Variants in SHOC1 observed in about 807,000 individuals in gnomAD.
SHOC1 encodes protein shortage in chiasmata 1 ortholog.
In SHOC1, 136 loss-of-function variants were observed where a neutral mutation model predicts 179.2. That is an observed-to-expected ratio of 0.76 (90% CI 0.66 to 0.87). The LOEUF is 0.87. SHOC1 is among the 40% of genes least tolerant of loss of function. SHOC1 has a pLI of 0.00. For synonymous variants in SHOC1, 489 were observed against 586.6 expected (o/e 0.83, Z 2.41); for missense variants, 1,538 against 1,700.8 (o/e 0.90, Z 1.68).
chr9:111,766,615 G>GT (rs1293766983), intron 5 of SHOC1, among the ~76,000 whole-genome samples: 7 of 151,386 alleles, frequency 4.6e-5, no homozygotes, highest in African/African-American at 1.7e-4. Context: ...TTTGTTTTTG[G>GT]TTTTTTTGTT....
Position 111,722,454 on chromosome 9 carries a change from G to C in SHOC1, c.2086C>G (p.Leu696Val). ...ATVIFDQTRF[L>V]LKEQEKVVSD... Reference sequence around the variant, plus strand: ...ACTACTTTTTCTTGTTCCTTTAAGAGAAACCTTGTTTGGTCAAAAATAACA... The same window carrying C: ...ACTACTTTTTCTTGTTCCTTTAAGACAAACCTTGTTTGGTCAAAAATAACA... Residue 696 changes from leucine (L) to valine (V), a missense_variant, in exon 15 of 28, where the codon CTC becomes GTC. Transcript: ENST00000682961. The C allele has an allele frequency of 1.2e-6, 2 of 1,611,294 alleles. No individual in the cohort carries two copies. Among genetic ancestry groups the C allele is most frequent in the Non-Finnish European group, 1.7e-6 (2 of 1,179,442 alleles).
intron 12 of SHOC1, among the ~76,000 whole-genome samples, chr9:111,737,519 G>A (rs1211496638): frequency 6.6e-6 from 1 of 151,782 alleles, no homozygotes; most frequent in Non-Finnish European, 1.5e-5. Context: ...ATAGTGGCGG[G>A]CATGGTGGCG....
intron 10 of SHOC1, 103 bp from the exon 11 acceptor site, chr9:111,741,673 G>C: frequency 5.6e-6 from 3 of 535,440 alleles, no homozygotes; most frequent in Non-Finnish European, 9.1e-6. Flanking sequence ...TCGCTCTGTC[G>C]CCCAGGCTGG....
Position 111,700,021 on chromosome 9 carries a change from T to C in SHOC1, c.3116A>G (p.His1039Arg). 1.9e-6 allele frequency: 3 copies of C among 1,600,624 alleles called. No individual in the cohort carries two copies. Among genetic ancestry groups the C allele is most frequent in the Non-Finnish European group, 2.6e-6 (3 of 1,171,468 alleles). ...SEYLLTEKTL[H>R]HLALIYAALV... ...AGCTGCATAAATCAGTGCTAGGTGA[T>C]GAAGTGTCTTTTCTGTAAGCAGATA... The change falls in exon 24 of 28, where the codon CAT (histidine) becomes CGT (arginine). Residue 1039 changes from histidine to arginine, a missense_variant. Coordinates refer to ENST00000682961, the MANE Select transcript of SHOC1 (RefSeq NM_001378211.1).
intron 24 of SHOC1, among the ~76,000 whole-genome samples, chr9:111,695,833 A>C (rs561485014): frequency 6.6e-6 from 1 of 152,318 alleles, no homozygotes; most frequent in South Asian, 2.1e-4. Flanking sequence ...CTAAAAATAG[A>C]ATGCTATAAA....
chr9:111,721,419 A>G (rs995538349), intron 15 of SHOC1, among the ~76,000 whole-genome samples: 1 of 152,184 alleles, frequency 6.6e-6, no homozygotes, highest in African/African-American at 2.4e-5. Context: ...AGCTCACTGC[A>G]ACCTCTGCCT....
intron 13 of SHOC1, 130 bp from the exon 14 acceptor site, chr9:111,724,041 G>T: frequency 1.5e-6 from 1 of 673,324 alleles, no homozygotes; most frequent in Non-Finnish European, 2.4e-6. Context: ...CAGTATTAAA[G>T]TGAACAACTA....
In SHOC1 at chr9:111,714,663, G is replaced by GT. The variant is rs773159969; in HGVS notation, c.2237-41dup. On this transcript the variant is annotated intron_variant, in intron 16 of 27. Transcript: ENST00000682961. The stretch of plus-strand genomic sequence containing the variant: ...TTAGAAAAAAATTGTCTAAGTATTT[G>GT]TTTTTTAAGAAACTCCGTGGTAAAA... 1,616 of 1,538,988 alleles carry GT rather than the reference G, an allele frequency of 1.1e-3. 4 individuals are homozygous for GT. The highest frequency in any genetic ancestry group is 1.3e-3 in the Non-Finnish European group (1,525 of 1,139,422).
At position 111,686,878 on chromosome 9, in the gene SHOC1, A is replaced by G; in HGVS notation, c.4427-8T>C. On this transcript the variant is annotated splice_region_variant and splice_polypyrimidine_tract_variant and intron_variant, in intron 27 of 27. Coordinates refer to ENST00000682961, the MANE Select transcript of SHOC1 (RefSeq NM_001378211.1). ...GTTGTGAGCACATAAAACCTGTTAA[A>G]AGGAGAAAAAGGAAAACCATTTTAT... 1 of 1,560,614 alleles carries G rather than the reference A, an allele frequency of 6.4e-7. No homozygotes were observed. Among genetic ancestry groups the G allele is most frequent in the Non-Finnish European group, 8.8e-7 (1 of 1,134,128 alleles).
rs1268791000 is a variant in SHOC1, at chr9:111,718,288, C to T, written c.2132G>A (p.Gly711Asp). ...AGTCATTTCTCTTTCATCAATTGTA[C>T]CTAAGTAAGCAAAAATGTATTTTAA... ...EKVVSDAVRQ[G>D]TIDEREMTFK... The change falls in exon 16 of 28, where the codon GGT becomes GAT. Residue 711 changes from glycine (G) to aspartate (D), a missense_variant and splice_region_variant. Physicochemically the swap from Gly to Asp is moderately conservative, Grantham distance 94 (BLOSUM62 -1). Transcript: ENST00000682961. The T allele has an allele frequency of 2.6e-6, 4 of 1,563,232 alleles. No individual in the cohort carries two copies. The African/African-American group carries it at 4.1e-5, about 16-fold the overall frequency.
At chr9:111,777,566 T>C (rs1372106088) in intron 4 of SHOC1, among the ~76,000 whole-genome samples, 1 of 152,234 alleles carries the variant, frequency 6.6e-6, no homozygotes, top group Non-Finnish European at 1.5e-5. Context: ...CTACTGTTGC[T>C]AGTCCTGAGG....
At chr9:111,761,420 T>C (rs147527252) in intron 5 of SHOC1, among the ~76,000 whole-genome samples, 6,013 of 152,236 alleles carry the variant, frequency 0.039, 143 homozygotes, top group African/African-American at 0.066. Context: ...GAGAATCACT[T>C]GAACCTGGGA....
At chr9:111,722,684 A>G in intron 14 of SHOC1, 99 bp from the exon 15 acceptor site, 2 of 905,138 alleles carry the variant, frequency 2.2e-6, no homozygotes, top group Middle Eastern at 4.6e-4. Context: ...CCGAACTTCT[A>G]TCTGAATTAT....
chr9:111,787,217 G>A (rs566996700), intron 2 of SHOC1, among the ~76,000 whole-genome samples: 1 of 152,324 alleles, frequency 6.6e-6, no homozygotes, highest in South Asian at 2.1e-4. Flanking sequence ...ATGGATCAAG[G>A]AGTCATTTCA....
intron 2 of SHOC1, among the ~76,000 whole-genome samples, chr9:111,789,252 A>G (rs2099368747): frequency 6.6e-6 from 1 of 152,222 alleles, no homozygotes; most frequent in East Asian, 1.9e-4. Flanking sequence ...ATTTATATCA[A>G]ATAAGGACCA....
At chr9:111,769,975 G>GTTTTTCT (rs1835505982) in intron 5 of SHOC1, among the ~76,000 whole-genome samples, 1 of 87,806 alleles carries the variant, frequency 1.1e-5, no homozygotes, top group Admixed American at 1.1e-4. Flanking sequence ...TTTATCTTCT[G>GTTTTTCT]TTTTTTTTTT....
intron 12 of SHOC1, among the ~76,000 whole-genome samples, chr9:111,735,796 C>G (rs1467318916): frequency 6.6e-6 from 1 of 152,202 alleles, no homozygotes. Flanking sequence ...AGTTTACACT[C>G]CTACCAACAG....
rs149553787 is a variant in SHOC1 at position 111,714,599 on chromosome 9, A to G, written c.2261T>C (p.Ile754Thr). ...ATAGGGGCCTAAAATGCTGTTGTAG[A>G]TATCTTTTGCCTTCGACAAATATCC... ...ALGYLSKAKD[I>T]YNSILGPYLG... is the part of the protein sequence containing the mutation. The change falls in exon 17 of 28, where the codon ATC becomes ACC. Residue 754 changes from isoleucine to threonine, a missense_variant. By Grantham distance (89) the Ile-to-Thr change is moderately conservative (BLOSUM62 -1). Transcript: ENST00000682961. 3.0e-5 allele frequency: 49 copies of G among 1,612,624 alleles called. No individual in the cohort carries two copies. Among genetic ancestry groups the G allele is most frequent in the African/African-American group, 2.1e-4 (16 of 74,896 alleles).
At chr9:111,719,743 TTCTA>T (rs1832952310) in intron 15 of SHOC1, among the ~76,000 whole-genome samples, 1 of 152,180 alleles carries the variant, frequency 6.6e-6, no homozygotes, top group African/African-American at 2.4e-5. Context: ...AGATCAGGTA[TTCTA>T]TCTCAGTACT....
Sources: gnomAD v4.1 joint callset for allele counts (sites outside exome capture counted in the v4.1 genomes callset) on GRCh38, gnomAD v4.1.1 for gene constraint, MANE v1.5 for transcripts, NCBI Gene and HGNC (gene_info 2026-07-23, HGNC 2026-07-21) for gene names.